Variants in A4GNT observed in about 807,000 individuals in gnomAD.
A4GNT encodes the protein alpha-1,4-N-acetylglucosaminyltransferase.
In A4GNT, 6 loss-of-function variants were observed where a neutral mutation model predicts 8.3. The ratio of observed to expected loss-of-function variants is 0.72; its 90% confidence interval spans 0.39 to 1.42. The LOEUF is 1.42. Ranked by LOEUF, A4GNT falls within the 40% of genes most tolerant of loss-of-function variation. The probability of loss-of-function intolerance (pLI) is 0.02; values close to 1 mark genes in which losing one functional copy is unlikely to be tolerated. For synonymous variants in A4GNT, 157 were observed against 159.8 expected, an observed-to-expected ratio of 0.98 and a Z score of 0.13; for missense variants, 377 against 417.0, an observed-to-expected ratio of 0.90 and a Z score of 0.84.
chr3:138,130,795 C>T (rs2042771219), intron 2 of A4GNT, 54 bp downstream of exon 2: 1 of 1,566,614 alleles, frequency 6.4e-7, no homozygotes, highest in Non-Finnish European at 8.7e-7. Flanking sequence ...TCCTTACCCT[C>T]AGTTTACCCA....
Position 138,130,925 on chromosome 3 carries a change from A to T in A4GNT, c.332T>A (p.Ile111Lys), listed in dbSNP as rs778394976. 1 of 1,614,156 alleles carries T rather than the reference A, an allele frequency of 6.2e-7. No homozygotes were observed. The highest frequency in any genetic ancestry group is 1.1e-5 in the South Asian group (1 of 91,084). Reference protein sequence around the residue: ...TYPAFSFLSAIDNVFLFPLDM... With the variant: ...TYPAFSFLSAKDNVFLFPLDM... Reference sequence around the variant, plus strand: ...CAAAGGGAAGAGGAAAACGTTGTCTATTGCTGACAGGAAGGAAAAAGCTGG... The same window carrying T: ...CAAAGGGAAGAGGAAAACGTTGTCTTTTGCTGACAGGAAGGAAAAAGCTGG... The change falls in exon 2 of 3, where the codon ATA becomes AAA. Residue 111 changes from isoleucine (I) to lysine (K), a missense_variant. Physicochemically the swap from Ile to Lys is moderately radical, Grantham distance 102. Transcript: ENST00000236709.
chr3:138,133,064 T>C (rs2042787265), upstream of A4GNT, among the ~76,000 whole-genome samples: 1 of 152,244 alleles, frequency 6.6e-6, no homozygotes, highest in African/African-American at 2.4e-5. Flanking sequence ...CAATCTTCTT[T>C]GGAGCCATCC....
chr3:138,124,491 G>T lies in A4GNT; in HGVS notation c.796C>A (p.Arg266=), dbSNP rs113881039. The change falls in exon 3 of 3, where the codon CGA becomes AGA. Residue 266 remains arginine (R), a synonymous_variant. Transcript: ENST00000236709. Reference sequence around the variant, plus strand: ...ACTTCATAGTAGCGCCTCCACTCTCGATAGGAGATGGGGTAAAATCTTTGG... The same window carrying T: ...ACTTCATAGTAGCGCCTCCACTCTCTATAGGAGATGGGGTAAAATCTTTGG... The part of the protein sequence containing the change: ...HPQRFYPISY[R]EWRRYYEVWD... 1 of 1,614,198 alleles carries T rather than the reference G, an allele frequency of 6.2e-7. No individual in the cohort carries two copies. Among genetic ancestry groups the T allele is most frequent in the Non-Finnish European group, 8.5e-7 (1 of 1,180,040 alleles).
chr3:138,124,645 G>A lies in A4GNT; in HGVS notation c.642C>T (p.His214=). ...GGTTGCCCCAAATGGCTGAATTATA[G>A]TGTTCAACAAAGTTTTCCATGCATT... ...LWECMENFVE[H]YNSAIWGNQG... is the part of the protein sequence containing the mutation. The change falls in exon 3 of 3, where the codon CAC becomes CAT. Residue 214 remains histidine, a synonymous_variant. Transcript: ENST00000236709. 6.2e-7 allele frequency: 1 copy of A among 1,614,204 alleles called. No individual in the cohort carries two copies. The highest frequency in any genetic ancestry group is 8.5e-7 in the Non-Finnish European group (1 of 1,180,028).
rs748875746 is a variant in A4GNT, at chr3:138,124,425, GC to G, written c.861del (p.His288IlefsTer6). On this transcript the variant is annotated frameshift_variant, in exon 3 of 3. Coordinates refer to ENST00000236709, the MANE Select transcript of A4GNT (RefSeq NM_016161.3). LOFTEE classifies it low-confidence loss of function (END_TRUNC). ...TEPSFNVSYA[L>X]HLWNHMNQEG... ...TCCTGGTTCATGTGGTTCCACAAAT[GC>G]AGGGCATAAGAGACATTGAAGCTTG... 1.2e-6 allele frequency: 2 copies of G among 1,614,084 alleles called. No homozygotes were observed. Among genetic ancestry groups the G allele is most frequent in the African/African-American group, 2.7e-5 (2 of 74,912 alleles).
In A4GNT at chr3:138,124,836, C is replaced by T. The variant is rs757476825; in HGVS notation, c.451G>A (p.Asp151Asn). 4.3e-6 allele frequency: 7 copies of T among 1,613,374 alleles called. No homozygotes were observed. In the African/African-American group the frequency reaches 8.0e-5, roughly 18 times the overall value. Residue 151 changes from aspartate to asparagine, a missense_variant, in exon 3 of 3, where the codon GAT (aspartate) becomes AAT (asparagine). By Grantham distance (23) the Asp-to-Asn change is conservative. Coordinates refer to ENST00000236709, the MANE Select transcript of A4GNT (RefSeq NM_016161.3). ...CAGATGATGGCCAGGCGGGATGCAT[C>T]CGAGCTGATGTGGAGCCAGTTTCTC... ...AERNWLHISS[D>N]ASRLAIIWKY...
Position 138,124,362 on chromosome 3 carries a change from C to G in A4GNT, c.925G>C (p.Glu309Gln), listed in dbSNP as rs757796942. 1.7e-5 allele frequency: 27 copies of G among 1,614,130 alleles called. No homozygotes were observed. The highest frequency in any genetic ancestry group is 1.1e-4 in the South Asian group (10 of 91,094). The part of the protein sequence containing the change: ...AVIRGSNTLV[E>Q]NLYRKHCPRT... ...GGACAGTGCTTGCGATAGAGATTTT[C>G]CACCAGTGTGTTGCTTCCTCTAATC... Residue 309 changes from glutamate to glutamine, a missense_variant, in exon 3 of 3, where the codon GAA (glutamate) becomes CAA (glutamine). Coordinates refer to ENST00000236709, the MANE Select transcript of A4GNT (RefSeq NM_016161.3).
At chr3:138,128,492 C>A (rs750643196) in intron 2 of A4GNT, among the ~76,000 whole-genome samples, 76 of 151,912 alleles carry the variant, frequency 5.0e-4, no homozygotes, top group Non-Finnish European at 1.2e-4. Context: ...GTAGGTGCCA[C>A]ACACTTTTAA....
chr3:138,131,946 A>T (rs2042781067), intron 1 of A4GNT, among the ~76,000 whole-genome samples: 1 of 152,234 alleles, frequency 6.6e-6, no homozygotes, highest in Non-Finnish European at 1.5e-5. Context: ...CACTGACATC[A>T]TTGGTTACAA....
intron 2 of A4GNT, among the ~76,000 whole-genome samples, chr3:138,127,218 CT>C (rs2042751027): frequency 6.6e-6 from 1 of 151,008 alleles, no homozygotes; most frequent in African/African-American, 2.4e-5. Flanking sequence ...GTTCTAAGCT[CT>C]TTTTAATCTA....
intron 2 of A4GNT, among the ~76,000 whole-genome samples, chr3:138,125,146 T>C (rs1031204843): frequency 2.0e-5 from 3 of 152,178 alleles, no homozygotes; most frequent in African/African-American, 7.2e-5. Context: ...TAAAAAAACA[T>C]TAAAGCATTG....
At chr3:138,129,799 T>C (rs2042765632) in intron 2 of A4GNT, among the ~76,000 whole-genome samples, 1 of 152,230 alleles carries the variant, frequency 6.6e-6, no homozygotes, top group Non-Finnish European at 1.5e-5. Flanking sequence ...TTATTTTTGC[T>C]TGTGTGTTTG....
At chr3:138,130,015 A>G (rs1375271156) in intron 2 of A4GNT, among the ~76,000 whole-genome samples, 2 of 151,846 alleles carry the variant, frequency 1.3e-5, no homozygotes, top group Non-Finnish European at 2.9e-5. Context: ...CATTCTCATC[A>G]CTAAATTCAC....
intron 2 of A4GNT, among the ~76,000 whole-genome samples, chr3:138,125,850 C>T (rs768206236): frequency 6.6e-6 from 1 of 152,130 alleles, no homozygotes; most frequent in Non-Finnish European, 1.5e-5. Flanking sequence ...AGCACACATG[C>T]CATGTCTGGG....
chr3:138,127,255 T>G (rs1576522386), intron 2 of A4GNT, among the ~76,000 whole-genome samples: 1 of 151,988 alleles, frequency 6.6e-6, no homozygotes, highest in South Asian at 2.1e-4. Flanking sequence ...ATAGGTACTA[T>G]GATCATTCCT....
chr3:138,127,118 C>CA (rs898641661), intron 2 of A4GNT, among the ~76,000 whole-genome samples: 3,910 of 33,236 alleles, frequency 0.12, 587 homozygotes, highest in African/African-American at 0.29. Flanking sequence ...GACTCCATCT[C>CA]AAAAAAAAAA....
At position 138,124,234 on chromosome 3, in the gene A4GNT, C is replaced by A; in HGVS notation, c.*30G>T. On this transcript the variant is annotated 3_prime_UTR_variant, in exon 3 of 3. Coordinates refer to ENST00000236709, the MANE Select transcript of A4GNT (RefSeq NM_016161.3). ...GCACTCCAGGAAATGTCCATTTCCA[C>A]ACTGCAGCAGCAGCAAACGAGTGTT... 6.3e-7 allele frequency: 1 copy of A among 1,589,778 alleles called. No individual in the cohort carries two copies.
At chr3:138,124,932 A>G in intron 2 of A4GNT, 54 bp from the exon 3 acceptor site, 1 of 1,574,710 alleles carries the variant, frequency 6.4e-7, no homozygotes, top group Non-Finnish European at 8.6e-7. Context: ...AGGGAGGGGC[A>G]TCACAGCAGG....
intron 2 of A4GNT, among the ~76,000 whole-genome samples, chr3:138,125,334 A>T (rs1005334709): frequency 2.0e-4 from 30 of 151,998 alleles, no homozygotes; most frequent in Admixed American, 3.9e-4. Context: ...AAAAATTGAT[A>T]AAAAAATCTT....
Sources: gnomAD v4.1 joint callset for allele counts (sites outside exome capture counted in the v4.1 genomes callset) on GRCh38, gnomAD v4.1.1 for gene constraint, MANE v1.5 for transcripts, NCBI Gene and HGNC (gene_info 2026-07-23, HGNC 2026-07-21) for gene names.